The following MGAT4C variants were observed in gnomAD, a reference collection of about 807,000 sequenced individuals.
MGAT4C encodes the protein MGAT4 family member C.
Under a neutral mutation model 40.1 loss-of-function variants are expected in MGAT4C, and 19 were observed. The observed-to-expected ratio is 0.47, with a 90% CI of 0.33 to 0.70. The LOEUF is 0.70. Ranked by LOEUF, MGAT4C falls within the 30% of genes least tolerant of loss-of-function variation. The probability of loss-of-function intolerance (pLI) is 0.02; values close to 1 mark genes in which losing one functional copy is unlikely to be tolerated. For missense variants in MGAT4C, 491 were observed against 563.2 expected (o/e 0.87, Z 1.30); for synonymous variants, 181 against 187.1 (o/e 0.97, Z 0.27).
chr12:86,023,261 A>T (rs962793997), intron 2 of MGAT4C, among the ~76,000 whole-genome samples: 2 of 151,204 alleles, frequency 1.3e-5, no homozygotes. Flanking sequence ...GGCAAAGTCA[A>T]TTTTTTTTTC....
In MGAT4C at chr12:86,015,104, C is replaced by A. The variant is rs376755442; in HGVS notation, c.-6-25552G>T. On this transcript the variant is annotated intron_variant, in intron 2 of 4. Coordinates refer to ENST00000611864, the MANE Select transcript of MGAT4C (RefSeq NM_001351288.2). ...GATTACAGGTGTGAGCCACCACACC[C>A]GGCCTCTGTGTCCTACTTCTGTTTT... 1.3e-4 allele frequency among the ~76,000 whole-genome samples: 20 copies of A among 151,470 alleles called. No individual in the cohort carries two copies. In the East Asian group the frequency reaches 3.5e-3, roughly 27 times the overall value.
intron 2 of MGAT4C, among the ~76,000 whole-genome samples, chr12:86,037,639 G>A (rs61931120): frequency 0.22 from 32,307 of 149,260 alleles, 6,076 homozygotes; most frequent in Non-Finnish European, 0.31. Flanking sequence ...ATTTGATTGC[G>A]CTGTGGTCTG....
chr12:85,994,793 A>C (rs937635873), intron 2 of MGAT4C, among the ~76,000 whole-genome samples: 1 of 152,222 alleles, frequency 6.6e-6, no homozygotes, highest in African/African-American at 2.4e-5. Context: ...GAAAGCTCTC[A>C]AGATTAGTGG....
intron 1 of MGAT4C, among the ~76,000 whole-genome samples, chr12:86,786,343 A>G (rs1018104552): frequency 6.6e-6 from 1 of 152,124 alleles, no homozygotes; most frequent in African/African-American, 2.4e-5. Context: ...TTGAATCTGT[A>G]GGTTTCTAAC....
intron 4 of MGAT4C, among the ~76,000 whole-genome samples, chr12:86,325,257 T>C (rs1276015493): frequency 6.6e-6 from 1 of 152,214 alleles, no homozygotes; most frequent in Non-Finnish European, 1.5e-5. Context: ...TTGTCCTCCA[T>C]GTAAACATGT....
chr12:86,780,632 T>G (rs992148031), intron 1 of MGAT4C, among the ~76,000 whole-genome samples: 1 of 152,200 alleles, frequency 6.6e-6, no homozygotes, highest in African/African-American at 2.4e-5. Flanking sequence ...CCATGCTTCG[T>G]GTACAGCCTA....
intron 1 of MGAT4C, among the ~76,000 whole-genome samples, chr12:86,834,123 T>C (rs993357420): frequency 5.3e-5 from 8 of 151,736 alleles, no homozygotes; most frequent in Non-Finnish European, 1.2e-4. Context: ...TAAATATATC[T>C]ATCTCTATCT....
chr12:86,776,866 C>T (rs1280974735), intron 1 of MGAT4C, among the ~76,000 whole-genome samples: 6 of 152,004 alleles, frequency 3.9e-5, no homozygotes, highest in Non-Finnish European at 7.4e-5. Context: ...TGCTAAAATG[C>T]ACCTACAAAC....
At chr12:86,610,422 G>C (rs1304122536) in intron 2 of MGAT4C, among the ~76,000 whole-genome samples, 1 of 152,098 alleles carries the variant, frequency 6.6e-6, no homozygotes, top group Non-Finnish European at 1.5e-5. Context: ...CAAATATAAA[G>C]CTAAACATTA....
chr12:86,616,673 AACTGACTTTCAT>A (rs1384523736), intron 2 of MGAT4C, among the ~76,000 whole-genome samples: 1 of 151,912 alleles, frequency 6.6e-6, no homozygotes, highest in Non-Finnish European at 1.5e-5. Flanking sequence ...TGTTTGTATA[AACTGACTTTCAT>A]CAAAGTTAAC....
At chr12:86,085,623 T>C (rs1203518916) in intron 1 of MGAT4C, among the ~76,000 whole-genome samples, 1 of 151,926 alleles carries the variant, frequency 6.6e-6, no homozygotes, top group Middle Eastern at 3.2e-3. Flanking sequence ...TGGGAGAAAA[T>C]TGTTTCAATG....
intron 2 of MGAT4C, among the ~76,000 whole-genome samples, chr12:86,589,069 A>G (rs1180714486): frequency 1.3e-5 from 2 of 151,448 alleles, no homozygotes; most frequent in Non-Finnish European, 3.0e-5. Flanking sequence ...GAACTGAAGG[A>G]AATAGAGACA....
chr12:86,101,505 A>G (rs922774666), intron 1 of MGAT4C, among the ~76,000 whole-genome samples: 1 of 151,862 alleles, frequency 6.6e-6, no homozygotes, highest in African/African-American at 2.4e-5. Context: ...AGATTAAAAA[A>G]GTCCATAATT....
chr12:86,503,955 T>A (rs1307108762), intron 2 of MGAT4C, among the ~76,000 whole-genome samples: 1 of 150,774 alleles, frequency 6.6e-6, no homozygotes, highest in Admixed American at 6.7e-5. Context: ...AAAACCTTCC[T>A]ACAAAATAAG....
At chr12:86,567,826 CT>C (rs1960198476) in intron 2 of MGAT4C, among the ~76,000 whole-genome samples, 1 of 152,156 alleles carries the variant, frequency 6.6e-6, no homozygotes, top group Non-Finnish European at 1.5e-5. Flanking sequence ...CATGTACACA[CT>C]TGTACAAGGA....
intron 3 of MGAT4C, among the ~76,000 whole-genome samples, chr12:86,369,665 A>T (rs1955679935): frequency 6.6e-6 from 1 of 152,022 alleles, no homozygotes. Context: ...TTAATTGTGC[A>T]GCCATTAATC....
At chr12:86,014,771 T>C (rs919941967) in intron 2 of MGAT4C, among the ~76,000 whole-genome samples, 1 of 151,852 alleles carries the variant, frequency 6.6e-6, no homozygotes, top group Non-Finnish European at 1.5e-5. Flanking sequence ...ATGAAAAAAA[T>C]GACAATGAGG....
At chr12:86,768,543 A>C (rs933357557) in intron 1 of MGAT4C, among the ~76,000 whole-genome samples, 2 of 151,798 alleles carry the variant, frequency 1.3e-5, no homozygotes, top group Admixed American at 6.6e-5. Flanking sequence ...GAACCAAAAA[A>C]GAGCCTGCAT....
chr12:86,361,660 C>T (rs952416578), intron 3 of MGAT4C, among the ~76,000 whole-genome samples: 2 of 152,134 alleles, frequency 1.3e-5, no homozygotes, highest in Non-Finnish European at 2.9e-5. Flanking sequence ...ACAACCCCAT[C>T]AAAAAGTGGG....
Sources: allele counts gnomAD v4.1 joint callset (sites outside exome capture counted in the v4.1 genomes callset), GRCh38; gene constraint gnomAD v4.1.1; transcripts MANE v1.5; gene names NCBI Gene and HGNC (gene_info 2026-07-23, HGNC 2026-07-21).